Variants in DNAH6 observed in about 807,000 individuals in gnomAD.
The protein encoded by DNAH6 is axonemal beta dynein heavy chain 6.
A neutral mutation model predicts 491.4 loss-of-function variants in DNAH6; 340 were observed. The ratio of observed to expected loss-of-function variants is 0.69; its 90% CI spans 0.63 to 0.76. DNAH6 has a LOEUF of 0.76. Ranked by LOEUF, DNAH6 falls within the 30% of genes least tolerant of loss-of-function variation. DNAH6 has a pLI of 0.00. For missense variants in DNAH6, 4,443 were observed against 4,972.2 expected, an observed-to-expected ratio of 0.89 and a Z score of 3.20; for synonymous variants, 1,603 against 1,686.1, an observed-to-expected ratio of 0.95 and a Z score of 1.21.
At chr2:84,763,613 G>T (rs1233834813) in intron 64 of DNAH6, among the ~76,000 whole-genome samples, 3 of 152,030 alleles carry the variant, frequency 2.0e-5, no homozygotes, top group Non-Finnish European at 4.4e-5. Context: ...GGCTGGTCTG[G>T]CCTGGTCCCT....
intron 37 of DNAH6, among the ~76,000 whole-genome samples, chr2:84,668,569 T>A (rs1395915414): frequency 6.6e-6 from 1 of 152,176 alleles, no homozygotes; most frequent in Non-Finnish European, 1.5e-5. Flanking sequence ...CTCATCTCAC[T>A]GTATGCAGCG....
chr2:84,752,082 A>G (rs1269256591), intron 63 of DNAH6, among the ~76,000 whole-genome samples: 1 of 152,212 alleles, frequency 6.6e-6, no homozygotes, highest in Admixed American at 6.5e-5. Context: ...GGTTTCCTCC[A>G]CCTCACAAAG....
intron 15 of DNAH6, among the ~76,000 whole-genome samples, chr2:84,585,279 C>T (rs1180383881): frequency 6.6e-6 from 1 of 152,140 alleles, no homozygotes; most frequent in African/African-American, 2.4e-5. Flanking sequence ...CTTAGTGTCC[C>T]CTCCTAATTA....
In DNAH6 at chr2:84,628,152, G is replaced by C. The variant is rs12611795; in HGVS notation, c.4515+3089G>C. On this transcript the variant is annotated intron_variant, in intron 29 of 76. Coordinates refer to ENST00000389394, the MANE Select transcript of DNAH6 (RefSeq NM_001370.2). ...TTCGTGAGCAATAGCCAGAAGAAGG[G>C]GGTATAGTCTGATTCATACAGGCAT... Among the ~76,000 whole-genome samples the C allele has an allele frequency of 2.0e-3, 305 of 152,282 alleles. 6 individuals carry two copies. The East Asian group carries it at 0.05, about 25-fold the overall frequency.
the DNAH6 span, among the ~76,000 whole-genome samples, chr2:84,466,994 A>G: frequency 1.3e-5 from 2 of 152,260 alleles, no homozygotes; most frequent in South Asian, 4.1e-4. Flanking sequence ...AATACAGCCC[A>G]AAGAAAACCA....
chr2:84,536,341 G>A (rs1677689391), intron 4 of DNAH6, among the ~76,000 whole-genome samples: 1 of 151,924 alleles, frequency 6.6e-6, no homozygotes. Context: ...GAAAAATTAC[G>A]GCAGCTGCCA....
chr2:84,705,443 T>C (rs1385715341), intron 51 of DNAH6, 43 bp from the exon 52 acceptor site: 3 of 1,462,296 alleles, frequency 2.1e-6, no homozygotes, highest in Non-Finnish European at 1.8e-6. Flanking sequence ...GTTCTTATAT[T>C]ACTTCATTTC....
chr2:84,500,823 A>G, the DNAH6 span, among the ~76,000 whole-genome samples: 1 of 152,038 alleles, frequency 6.6e-6, no homozygotes, highest in South Asian at 2.1e-4. Context: ...TCTTTTTCAG[A>G]TTGTTCACTG....
chr2:84,709,892 G>A (rs1236568180), intron 55 of DNAH6, among the ~76,000 whole-genome samples: 4 of 152,138 alleles, frequency 2.6e-5, no homozygotes, highest in Non-Finnish European at 2.9e-5. Flanking sequence ...GTGAAGTCAG[G>A]GTATGATCAA....
rs1696513871 is a variant in DNAH6 at position 84,706,921 on chromosome 2, C to A, written c.8753C>A (p.Thr2918Asn). ...AQAELDITMA[T>N]LREKQALLRQ... ...GCTGAACTTGACATTACCATGGCTACCCTGAGAGAAAAGCAAGCATTACTA... is the reference window on the plus strand; with the variant it reads ...GCTGAACTTGACATTACCATGGCTAACCTGAGAGAAAAGCAAGCATTACTA... The change falls in exon 53 of 77, where the codon ACC (threonine) becomes AAC (asparagine). Residue 2918 changes from threonine (T) to asparagine (N), a missense_variant. Physicochemically the swap from Thr to Asn is moderately conservative, Grantham distance 65. Transcript: ENST00000389394. 6.5e-7 allele frequency: 1 copy of A among 1,544,386 alleles called. No homozygotes were observed. Among genetic ancestry groups the A allele is most frequent in the South Asian group, 1.2e-5 (1 of 81,702 alleles).
intron 2 of DNAH6, among the ~76,000 whole-genome samples, chr2:84,520,985 C>A (rs1042403149): frequency 6.6e-6 from 1 of 151,990 alleles, no homozygotes; most frequent in Non-Finnish European, 1.5e-5. Flanking sequence ...GGGGAGTCAC[C>A]ATGCTACTTT....
At chr2:84,476,117 C>T in the DNAH6 span, among the ~76,000 whole-genome samples, 1 of 152,208 alleles carries the variant, frequency 6.6e-6, no homozygotes, top group African/African-American at 2.4e-5. Flanking sequence ...GTATCCCAAT[C>T]ATATGGTATT....
chr2:84,664,255 C>T (rs546376043), intron 37 of DNAH6, among the ~76,000 whole-genome samples: 2 of 152,030 alleles, frequency 1.3e-5, no homozygotes, highest in Non-Finnish European at 2.9e-5. Flanking sequence ...ACAATATTAA[C>T]GTTAAATGTA....
chr2:84,688,238 C>CAAA (rs34421243), intron 44 of DNAH6, among the ~76,000 whole-genome samples: 20 of 95,814 alleles, frequency 2.1e-4, no homozygotes, highest in Non-Finnish European at 3.3e-4. Context: ...GACTCCATCT[C>CAAA]AAAAAAAAAA....
chr2:84,460,313 C>T, the DNAH6 span, among the ~76,000 whole-genome samples: 1 of 152,220 alleles, frequency 6.6e-6, no homozygotes, highest in Non-Finnish European at 1.5e-5. Context: ...AAATAAACTC[C>T]TCCCTCATGG....
At chr2:84,555,896 A>G (rs1249378999) in intron 10 of DNAH6, among the ~76,000 whole-genome samples, 1 of 151,208 alleles carries the variant, frequency 6.6e-6, no homozygotes, top group East Asian at 1.9e-4. Flanking sequence ...CCACTCTGCC[A>G]CTCCTCTCCA....
upstream of DNAH6, chr2:84,516,489 A>G (rs1675602876): frequency 6.6e-6 from 1 of 152,198 alleles, no homozygotes; most frequent in Non-Finnish European, 1.5e-5. Flanking sequence ...CTACGCAGCA[A>G]CAGGAAACAT....
In DNAH6 at chr2:84,529,823, A is replaced by G. The variant is rs554536899; in HGVS notation, c.662+657A>G. Among the ~76,000 whole-genome samples the G allele has an allele frequency of 2.0e-5, 3 of 152,264 alleles. No homozygotes were observed. In the South Asian group the frequency reaches 6.2e-4, roughly 32 times the overall value. The stretch of plus-strand genomic sequence containing the variant: ...GTGATAATAGTTTAGCTTCACCACA[A>G]AATTCATTGAGCTACCTTCCCCATT... On this transcript the variant is annotated intron_variant, in intron 4 of 76. Transcript: ENST00000389394.
At chr2:84,784,965 C>G (rs927030870) in intron 66 of DNAH6, among the ~76,000 whole-genome samples, 155 bp downstream of exon 66, 2 of 152,136 alleles carry the variant, frequency 1.3e-5, no homozygotes, top group African/African-American at 4.8e-5. Context: ...CTATAACAAG[C>G]AGAGAAACGA....
Sources: allele counts gnomAD v4.1 joint callset (sites outside exome capture counted in the v4.1 genomes callset), GRCh38; gene constraint gnomAD v4.1.1; transcripts MANE v1.5; gene names NCBI Gene and HGNC (gene_info 2026-07-23, HGNC 2026-07-21).